The following KIAA0586 variants were observed in gnomAD, a reference collection of about 807,000 sequenced individuals.
The protein encoded by KIAA0586 is protein TALPID3.
KIAA0586 carries 144 observed loss-of-function variants against 169.8 expected under a neutral mutation model. That is an observed-to-expected ratio of 0.85 (90% CI 0.74 to 0.97). KIAA0586 has a LOEUF of 0.97. KIAA0586 is among the 50% of genes least tolerant of loss of function. The pLI is 0.00. For missense variants in KIAA0586, 1,854 were observed against 1,823.0 expected (o/e 1.02, Z -0.31); for synonymous variants, 625 against 612.4 (o/e 1.02, Z -0.30).
At chr14:58,555,380 C>T (rs182820443), downstream of KIAA0586, among the ~76,000 whole-genome samples, 539 of 152,182 alleles carry the variant, frequency 3.5e-3, 6 homozygotes, top group African/African-American at 0.012. Flanking sequence ...GGATTACAGG[C>T]GTGAGCCACC....
chr14:58,499,855 A>C (rs1030716611), intron 27 of KIAA0586, among the ~76,000 whole-genome samples: 2 of 152,126 alleles, frequency 1.3e-5, no homozygotes, highest in African/African-American at 4.8e-5. Context: ...CACCATGCCC[A>C]GCCGATGCAT....
intron 29 of KIAA0586, among the ~76,000 whole-genome samples, chr14:58,515,890 T>C (rs2044716898): frequency 6.6e-6 from 1 of 151,112 alleles, no homozygotes; most frequent in Admixed American, 6.6e-5. Flanking sequence ...CTAACTATAA[T>C]AAAATGTCAG....
At position 58,448,401 on chromosome 14, in the gene KIAA0586, C is replaced by G. The variant is rs186378072; in HGVS notation, c.869C>G (p.Ser290Cys). 5.0e-5 allele frequency: 80 copies of G among 1,609,756 alleles called. No homozygotes were observed. The highest frequency in any genetic ancestry group is 6.5e-5 in the Non-Finnish European group (76 of 1,176,268). Residue 290 changes from serine (S) to cysteine (C), a missense_variant, in exon 7 of 31, where the codon TCC becomes TGC. Transcript: ENST00000652326. ...SSFQPVSMPSSRAVEKYSVKP... is the reference protein window; with the variant it reads ...SSFQPVSMPSCRAVEKYSVKP... The stretch of plus-strand genomic sequence containing the variant: ...TTTCAGCCTGTTAGTATGCCCTCCT[C>G]CAGAGCAGTGGAAAAGTATTCCGTA...
intron 12 of KIAA0586, 103 bp from the exon 13 acceptor site, chr14:58,459,740 A>G: frequency 1.6e-6 from 1 of 621,014 alleles, no homozygotes; most frequent in Non-Finnish European, 2.6e-6. Context: ...AAACTGCTAA[A>G]CTGTATTTAT....
intron 17 of KIAA0586, 123 bp downstream of exon 17, chr14:58,470,846 G>A: frequency 3.6e-6 from 2 of 563,168 alleles, no homozygotes; most frequent in Non-Finnish European, 3.1e-6. Context: ...TTGAAGAAAA[G>A]ATTGAAAACA....
Position 58,493,652 on chromosome 14 carries a change from CTTAACA to C in KIAA0586, c.3990+1379_3990+1384del, listed in dbSNP as rs545216225. On this transcript the variant is annotated intron_variant, in intron 26 of 30. Coordinates refer to ENST00000652326, the MANE Select transcript of KIAA0586 (RefSeq NM_001329943.3). ...ATTTAGTAATGGGAAAAAATGAAGG[CTTAACA>C]TATTCCTTCTGAATTTAAAATAATT... Among the ~76,000 whole-genome samples the C allele has an allele frequency of 4.7e-4, 72 of 152,198 alleles. No homozygotes were observed. The South Asian group carries it at 0.015, about 32-fold the overall frequency.
At chr14:58,479,361 G>C (rs2041873808) in intron 20 of KIAA0586, among the ~76,000 whole-genome samples, 1 of 152,092 alleles carries the variant, frequency 6.6e-6, no homozygotes. Flanking sequence ...CCATTTTTAA[G>C]TTCGAGTCGT....
intron 26 of KIAA0586, among the ~76,000 whole-genome samples, chr14:58,496,752 A>G (rs1001364366): frequency 6.6e-6 from 1 of 152,202 alleles, no homozygotes; most frequent in African/African-American, 2.4e-5. Flanking sequence ...GTTAAAAAAA[A>G]CACTTGTTGG....
intron 27 of KIAA0586, among the ~76,000 whole-genome samples, chr14:58,506,067 A>G (rs2043917083): frequency 6.6e-6 from 1 of 152,056 alleles, no homozygotes; most frequent in African/African-American, 2.4e-5. Flanking sequence ...GTTTTCATTA[A>G]AGTCTCTTGG....
chr14:58,454,657 C>T (rs1478799526), intron 9 of KIAA0586, among the ~76,000 whole-genome samples: 3 of 152,032 alleles, frequency 2.0e-5, no homozygotes, highest in Admixed American at 1.3e-4. Flanking sequence ...CTCACTTTTT[C>T]GTTGTCATTT....
chr14:58,517,264 C>G (rs868045989), intron 29 of KIAA0586, among the ~76,000 whole-genome samples: 3 of 152,088 alleles, frequency 2.0e-5, no homozygotes, highest in African/African-American at 7.2e-5. Context: ...TATTTTTAAA[C>G]CTTACAAAAC....
intron 28 of KIAA0586, among the ~76,000 whole-genome samples, chr14:58,509,971 A>G (rs1003467686): frequency 3.3e-5 from 5 of 152,252 alleles, no homozygotes; most frequent in Non-Finnish European, 5.9e-5. Context: ...TAAGGAGCTC[A>G]CATAACTCAA....
chr14:58,460,074 A>G lies in KIAA0586; in HGVS notation c.1884+4A>G, dbSNP rs1284901116. 2.1e-6 allele frequency: 3 copies of G among 1,438,194 alleles called. No individual in the cohort carries two copies. 89.1% of individuals were successfully genotyped at this position (1,438,194 alleles called of 1,614,324 possible). A position where few individuals can be genotyped will look rare whatever the true frequency, so the allele number is the denominator to read the frequency against. ...TTTACAGAAAGAGAGAAAGGAAGTAAGATCCTAATCTGTTCTTTTAACATA... is the reference window on the plus strand; with the variant it reads ...TTTACAGAAAGAGAGAAAGGAAGTAGGATCCTAATCTGTTCTTTTAACATA... On this transcript the variant is annotated splice_donor_region_variant and intron_variant, in intron 13 of 30. Coordinates refer to ENST00000652326, the MANE Select transcript of KIAA0586 (RefSeq NM_001329943.3).
intron 21 of KIAA0586, among the ~76,000 whole-genome samples, chr14:58,484,011 G>GC (rs1295668123): frequency 5.3e-5 from 8 of 151,990 alleles, no homozygotes. Context: ...TTTTTTCTAT[G>GC]CCAATTACTT....
chr14:58,537,124 A>G (rs2046336895), intron 29 of KIAA0586: 1 of 1,161,728 alleles, frequency 8.6e-7, no homozygotes, highest in Non-Finnish European at 1.1e-6. Flanking sequence ...GCAGAGCACA[A>G]TACTCACCCT....
At chr14:58,531,976 G>A (rs1181366422) in intron 29 of KIAA0586, among the ~76,000 whole-genome samples, 1 of 151,688 alleles carries the variant, frequency 6.6e-6, no homozygotes, top group Non-Finnish European at 1.5e-5. Flanking sequence ...ATAAGTGGGA[G>A]TTGAACAATG....
intron 29 of KIAA0586, among the ~76,000 whole-genome samples, chr14:58,539,581 G>A (rs1231967746): frequency 6.6e-6 from 1 of 152,096 alleles, no homozygotes; most frequent in African/African-American, 2.4e-5. Flanking sequence ...CTAAAAATTT[G>A]CTTTGCTATA....
intron 17 of KIAA0586, among the ~76,000 whole-genome samples, chr14:58,471,508 T>A (rs1433431441): frequency 1.3e-5 from 2 of 152,284 alleles, no homozygotes; most frequent in East Asian, 1.9e-4. Context: ...TTACCCCAGG[T>A]TTTGTTTATT....
chr14:58,507,279 T>G (rs1445312279), intron 27 of KIAA0586, among the ~76,000 whole-genome samples: 1 of 147,140 alleles, frequency 6.8e-6, no homozygotes, highest in East Asian at 1.9e-4. Context: ...ATATGTATGA[T>G]TTATATATAT....
Sources: allele counts gnomAD v4.1 joint callset (sites outside exome capture counted in the v4.1 genomes callset), GRCh38; gene constraint gnomAD v4.1.1; transcripts MANE v1.5; gene names NCBI Gene and HGNC (gene_info 2026-07-23, HGNC 2026-07-21).